ABCA7: variants seen among roughly 807,000 people sequenced by gnomAD.
The protein encoded by ABCA7 is phospholipid-transporting ATPase ABCA7.
In ABCA7, 261 loss-of-function variants were observed where a neutral mutation model predicts 227.6. That is an observed-to-expected ratio of 1.15 (90% CI 1.04 to 1.27). ABCA7 has a LOEUF of 1.27. ABCA7 is among the 50% of genes most tolerant of loss of function. The probability of loss-of-function intolerance (pLI) is 0.00; values close to 1 mark genes in which losing one functional copy is unlikely to be tolerated. For missense variants in ABCA7, 3,331 were observed against 2,924.5 expected (o/e 1.14, Z -3.21); for synonymous variants, 1,488 against 1,279.7 (o/e 1.16, Z -3.47).
intron 45 of ABCA7, 132 bp downstream of exon 45, chr19:1,064,385 T>C: frequency 9.4e-7 from 1 of 1,061,052 alleles, no homozygotes; most frequent in Non-Finnish European, 1.3e-6. Context: ...GGCTTTAGAT[T>C]GTCCTGCAGG....
At position 1,062,162 on chromosome 19, in the gene ABCA7, C is replaced by T; in HGVS notation, c.5571-10C>T. ...CCAGCTCTCTGAGCCCCCGGCGCCC[C>T]CATCCCCAGCGTGGCCCGGGAACCC... On this transcript the variant is annotated splice_polypyrimidine_tract_variant and intron_variant, in intron 41 of 46. Transcript: ENST00000263094. 1 of 1,611,136 alleles carries T rather than the reference C, an allele frequency of 6.2e-7. No homozygotes were observed. Among genetic ancestry groups the T allele is most frequent in the Non-Finnish European group, 8.5e-7 (1 of 1,178,994 alleles).
Position 1,063,825 on chromosome 19 carries a change from G to A in ABCA7, c.5913G>A (p.Val1971=). The A allele has an allele frequency of 1.3e-6, 2 of 1,543,370 alleles. No individual in the cohort carries two copies. The highest frequency in any genetic ancestry group is 1.7e-6 in the Non-Finnish European group (2 of 1,144,956). Residue 1971 remains valine, a synonymous_variant, in exon 44 of 47, where the codon GTG becomes GTA. Transcript: ENST00000263094. The part of the protein sequence containing the change: ...RRFLWNSLLA[V]VREGRSVMLT... ...TCCTTTGGAACAGCCTTTTGGCCGTGGTGCGGGAGGGCCGTTCAGTGATGC... is the reference window on the plus strand; with the variant it reads ...TCCTTTGGAACAGCCTTTTGGCCGTAGTGCGGGAGGGCCGTTCAGTGATGC...
intron 19 of ABCA7, 28 bp downstream of exon 19, chr19:1,051,080 C>T (rs201132067): frequency 1.1e-5 from 18 of 1,610,754 alleles, no homozygotes; most frequent in African/African-American, 2.7e-5. Flanking sequence ...CAGAGTGCAG[C>T]GGTGGGAAGG....
chr19:1,048,890 CG>C lies in ABCA7; in HGVS notation c.2270-4del. On this transcript the variant is annotated splice_polypyrimidine_tract_variant and splice_region_variant and intron_variant, in intron 16 of 46. Coordinates refer to ENST00000263094, the MANE Select transcript of ABCA7 (RefSeq NM_019112.4). The stretch of plus-strand genomic sequence containing the variant: ...CTAAGCAATAACCCGCGCCCCTCCC[CG>C]CAGGCCAGTACGGGATCCCTGAACC... 6.3e-7 allele frequency: 1 copy of C among 1,592,660 alleles called. No homozygotes were observed. The highest frequency in any genetic ancestry group is 2.3e-5 in the East Asian group (1 of 44,410).
rs10404087 is a variant in ABCA7 at position 1,060,665 on chromosome 19, G to A, written c.5464-1117G>A. On this transcript the variant is annotated intron_variant, in intron 40 of 46. Transcript: ENST00000263094. ...CTCCTGAGTAGCTGGGATTACAGGC[G>A]CCCGCCACCACAACCGGCTAATTTT... Among the ~76,000 whole-genome samples the A allele has an allele frequency of 7.8e-3, 1,177 of 151,820 alleles. 14 individuals carry two copies. The highest frequency in any genetic ancestry group is 0.027 in the African/African-American group (1,112 of 41,350).
At chr19:1,057,773 GAA>G (rs781159337) in intron 35 of ABCA7, 140 bp from the exon 36 acceptor site, 206 of 1,124,618 alleles carry the variant, frequency 1.8e-4, no homozygotes, top group Non-Finnish European at 2.4e-4. Context: ...GAGAAAGAGA[GAA>G]AGAAAAAAAA....
chr19:1,049,446 CCAACCACTCCCTCCCCGTGAG>C lies in ABCA7; in HGVS notation c.2552+11_2552+31del. On this transcript the variant is annotated intron_variant, in intron 18 of 46. Coordinates refer to ENST00000263094, the MANE Select transcript of ABCA7 (RefSeq NM_019112.4). ...GGCAAGACCACCACCCTGTGAGCCC[CCAACCACTCCCTCCCCGTGAG>C]CCCCCCCACTCCCACCCCGTGAGCC... The C allele has an allele frequency of 1.3e-6, 2 of 1,579,776 alleles. No homozygotes were observed. Among genetic ancestry groups the C allele is most frequent in the Non-Finnish European group, 8.6e-7 (1 of 1,160,798 alleles).
chr19:1,058,283 G>A lies in ABCA7; in HGVS notation c.5149+14G>A. The A allele has an allele frequency of 6.2e-7, 1 of 1,612,454 alleles. No individual in the cohort carries two copies. The highest frequency in any genetic ancestry group is 1.3e-5 in the African/African-American group (1 of 74,866). On this transcript the variant is annotated intron_variant, in intron 37 of 46. Coordinates refer to ENST00000263094, the MANE Select transcript of ABCA7 (RefSeq NM_019112.4). ...TTGAGCGCTTGGGTGAGAACTTCCT[G>A]TCAGGTGGGGCCATGGCTACAGATA...
chr19:1,041,521 G>A lies in ABCA7; in HGVS notation c.78G>A (p.Leu26=), dbSNP rs1370797028. ...CTATTCTCCCCCAGGTCCAGCTCCT[G>A]GTCGAATTGCTGTGGCCTCTCTTCC... ...MYRRRQPVQL[L]VELLWPLFLF... Residue 26 remains leucine (L), a synonymous_variant, in exon 3 of 47, where the codon CTG becomes CTA. Transcript: ENST00000263094. 3 of 1,613,664 alleles carry A rather than the reference G, an allele frequency of 1.9e-6. No individual in the cohort carries two copies. In the African/African-American group the frequency reaches 4.0e-5, roughly 22 times the overall value.
chr19:1,045,012 T>C lies in ABCA7; in HGVS notation c.1226T>C (p.Leu409Ser). 2.5e-6 allele frequency: 4 copies of C among 1,612,522 alleles called. No individual in the cohort carries two copies. The highest frequency in any genetic ancestry group is 1.3e-5 in the African/African-American group (1 of 74,974). ...CCCCGCATCCCACAGTGCCTGTCCT[T>C]GGACAAGCTGGAGGCGGCACCCTCA... ...TLGRVTECLS[L>S]DKLEAAPSEA... The change falls in exon 12 of 47, where the codon TTG becomes TCG. Residue 409 changes from leucine to serine, a missense_variant. Coordinates refer to ENST00000263094, the MANE Select transcript of ABCA7 (RefSeq NM_019112.4).
chr19:1,053,442 A>G lies in ABCA7; in HGVS notation c.3334A>G (p.Ser1112Gly). 6.2e-7 allele frequency: 1 copy of G among 1,603,810 alleles called. No individual in the cohort carries two copies. Among genetic ancestry groups the G allele is most frequent in the Non-Finnish European group, 8.5e-7 (1 of 1,176,900 alleles). Reference sequence around the variant, plus strand: ...GCCCTACACGGGTGCCCATGACGGCAGCTTCGCCACACTCTTCCGAGAGCT... The same window carrying G: ...GCCCTACACGGGTGCCCATGACGGCGGCTTCGCCACACTCTTCCGAGAGCT... The part of the protein sequence containing the change: ...VLPYTGAHDG[S>G]FATLFRELDT... The change falls in exon 24 of 47, where the codon AGC becomes GGC. Residue 1112 changes from serine (S) to glycine (G), a missense_variant. Ser to Gly is a moderately conservative substitution (Grantham distance 56). Coordinates refer to ENST00000263094, the MANE Select transcript of ABCA7 (RefSeq NM_019112.4).
rs368446227 is a variant in ABCA7 at position 1,062,199 on chromosome 19, C to T, written c.5598C>T (p.His1866=). The T allele has an allele frequency of 1.1e-5, 18 of 1,612,316 alleles. No individual in the cohort carries two copies. Among genetic ancestry groups the T allele is most frequent in the Non-Finnish European group, 1.4e-5 (17 of 1,179,790 alleles). The change falls in exon 42 of 47, where the codon CAC becomes CAT. Residue 1866 remains histidine (H), a synonymous_variant. Coordinates refer to ENST00000263094, the MANE Select transcript of ABCA7 (RefSeq NM_019112.4). ...HSVAREPSAA[H]LSMGYCPQSD... ...TGGCCCGGGAACCCAGTGCTGCGCA[C>T]CTCAGCATGGGATACTGCCCTCAAT... is the stretch of plus-strand genomic sequence containing the variant.
intron 44 of ABCA7, 59 bp from the exon 45 acceptor site, chr19:1,064,102 G>T: frequency 6.7e-7 from 1 of 1,485,768 alleles, no homozygotes. Flanking sequence ...AGCAGGCAGT[G>T]TGGCGCCAGG....
At position 1,056,208 on chromosome 19, in the gene ABCA7, T is replaced by C; in HGVS notation, c.4381T>C (p.Trp1461Arg). ...CCGTGTCCTGAAAAACCTCACAGCC[T>C]GGGCTCACAGCCTGGATGCTCAGGA... Reference protein sequence around the residue: ...LDRVLKNLTAWAHSLDAQDSL... With the variant: ...LDRVLKNLTARAHSLDAQDSL... Residue 1461 changes from tryptophan (W) to arginine (R), a missense_variant, in exon 32 of 47, where the codon TGG becomes CGG. Coordinates refer to ENST00000263094, the MANE Select transcript of ABCA7 (RefSeq NM_019112.4). The surrounding 1 kb of genome is among the most constrained non-coding windows in gnomAD (Gnocchi z 4.3). The C allele has an allele frequency of 1.2e-6, 2 of 1,603,088 alleles. No individual in the cohort carries two copies. Among genetic ancestry groups the C allele is most frequent in the Non-Finnish European group, 8.5e-7 (1 of 1,176,258 alleles).
In ABCA7 at chr19:1,045,282, C is replaced by A. The variant is rs774935197; in HGVS notation, c.1445+51C>A. Reference sequence around the variant, plus strand: ...ATGAGGGACTGGGCGGGGCCAAGAGCGTGGTGGGTGGGGCCAGGCAGCATT... The same window carrying A: ...ATGAGGGACTGGGCGGGGCCAAGAGAGTGGTGGGTGGGGCCAGGCAGCATT... On this transcript the variant is annotated intron_variant, in intron 12 of 46. Transcript: ENST00000263094. The A allele has an allele frequency of 3.4e-6, 5 of 1,489,984 alleles. No individual in the cohort carries two copies. The East Asian group carries it at 7.1e-5, about 21-fold the overall frequency. The allele number at this position is 1,489,984 out of a possible 1,614,324, so 92.3% of individuals were successfully genotyped here.
At position 1,051,458 on chromosome 19, in the gene ABCA7, A is replaced by T; in HGVS notation, c.2834A>T (p.Gln945Leu). ...TCCCCATCTCTACCAGGTGGGATGC[A>T]ACGGAAGCTGTCCGTGGCCATTGCC... Reference protein sequence around the residue: ...VQTRHLSGGMQRKLSVAIAFV... With the variant: ...VQTRHLSGGMLRKLSVAIAFV... Residue 945 changes from glutamine (Q) to leucine (L), a missense_variant, in exon 21 of 47, where the codon CAA becomes CTA. Gln to Leu is a moderately radical substitution (Grantham distance 113). Transcript: ENST00000263094. 6.3e-7 allele frequency: 1 copy of T among 1,580,116 alleles called. No homozygotes were observed. The highest frequency in any genetic ancestry group is 8.6e-7 in the Non-Finnish European group (1 of 1,161,174).
chr19:1,050,976 C>T lies in ABCA7; in HGVS notation c.2608C>T (p.His870Tyr), dbSNP rs1285667168. The T allele has an allele frequency of 1.9e-6, 3 of 1,612,138 alleles. No homozygotes were observed. The highest frequency in any genetic ancestry group is 2.2e-5 in the East Asian group (1 of 44,896). The stretch of plus-strand genomic sequence containing the variant: ...TGGTGGCTCTGCCTTCATCCTGGGC[C>T]ACGACGTCCGCTCCAGCATGGCCGC... ...PSGGSAFILG[H>Y]DVRSSMAAIR... The change falls in exon 19 of 47, where the codon CAC (histidine) becomes TAC (tyrosine). Residue 870 changes from histidine (H) to tyrosine (Y), a missense_variant. Coordinates refer to ENST00000263094, the MANE Select transcript of ABCA7 (RefSeq NM_019112.4).
rs2144718675 is a variant in ABCA7 at position 1,045,687 on chromosome 19, C to CTTTAAAAAAA, written c.1445+456_1445+457insTTTAAAAAAA. 3 of 167,084 alleles carry CTTTAAAAAAA rather than the reference C, an allele frequency of 1.8e-5. No individual in the cohort carries two copies. In the East Asian group the frequency reaches 5.5e-4, roughly 31 times the overall value. The allele number at this position is 167,084 out of a possible 1,614,324, so 10.4% of individuals were successfully genotyped here. On this transcript the variant is annotated intron_variant, in intron 12 of 46. Transcript: ENST00000263094. ...CCCCGCCCCCCTCCCCCACCAACCT[C>CTTTAAAAAAA]ACGAAAATATCTTTAAAAATTAGCC... is the stretch of plus-strand genomic sequence containing the variant.
In ABCA7 at chr19:1,049,302, G is replaced by C; in HGVS notation, c.2417G>C (p.Gly806Ala). The change falls in exon 18 of 47, where the codon GGC (glycine) becomes GCC (alanine). Residue 806 changes from glycine to alanine, a missense_variant. Physicochemically the swap from Gly to Ala is moderately conservative, Grantham distance 60. Coordinates refer to ENST00000263094, the MANE Select transcript of ABCA7 (RefSeq NM_019112.4). Reference sequence around the variant, plus strand: ...GAGGCACCGCCCGGCCTGAGTCCTGGCGTCTCCGTTCGCAGCCTGGAGAAG... The same window carrying C: ...GAGGCACCGCCCGGCCTGAGTCCTGCCGTCTCCGTTCGCAGCCTGGAGAAG... The part of the protein sequence containing the change: ...VEEAPPGLSP[G>A]VSVRSLEKRF... 1 of 1,611,150 alleles carries C rather than the reference G, an allele frequency of 6.2e-7. No homozygotes were observed. Among genetic ancestry groups the C allele is most frequent in the Non-Finnish European group, 8.5e-7 (1 of 1,178,968 alleles).
Sources: gnomAD v4.1 joint callset for allele counts (sites outside exome capture counted in the v4.1 genomes callset) on GRCh38, gnomAD v4.1.1 for gene constraint, Gnocchi (gnomAD v3.1) non-coding constraint, MANE v1.5 for transcripts, NCBI Gene and HGNC (gene_info 2026-07-23, HGNC 2026-07-21) for gene names.